CFAP61: variants seen among roughly 807,000 people sequenced by gnomAD.
CFAP61 encodes cilia and flagella associated protein 61.
Under a neutral mutation model 135.6 loss-of-function variants are expected in CFAP61, and 107 were observed. That is an observed-to-expected ratio of 0.79 (90% CI 0.67 to 0.93). The LOEUF is 0.93. CFAP61 is among the 40% of genes least tolerant of loss of function. CFAP61 has a pLI of 0.00. For synonymous variants in CFAP61, 575 were observed against 578.5 expected (o/e 0.99, Z 0.09); for missense variants, 1,507 against 1,556.2 (o/e 0.97, Z 0.53).
intron 22 of CFAP61, among the ~76,000 whole-genome samples, chr20:20,283,165 G>GTAAATACTGTTACTAT (rs1435646828): frequency 2.6e-5 from 4 of 152,048 alleles, no homozygotes; most frequent in African/African-American, 9.7e-5. Flanking sequence ...TATTATTGTG[G>GTAAATACTGTTACTAT]AAGTCTCTGT....
rs188366770 is a variant in CFAP61, at chr20:20,313,447, G to A, written c.3422+15061G>A. Among the ~76,000 whole-genome samples the A allele has an allele frequency of 1.2e-3, 184 of 152,306 alleles. 1 individual carries two copies. The Middle Eastern group carries it at 0.027, about 23-fold the overall frequency. ...ATATCCCCGCAATTCAGTAGGCTGC[G>A]GTGTAGGCAAACAGAGGGTGTTTTG... On this transcript the variant is annotated intron_variant, in intron 25 of 26. Transcript: ENST00000245957.
At chr20:20,163,282 C>G (rs1443361675) in intron 10 of CFAP61, among the ~76,000 whole-genome samples, 6 of 152,046 alleles carry the variant, frequency 3.9e-5, no homozygotes, top group African/African-American at 2.4e-5. Context: ...GCACCTAAAC[C>G]AAGACAGAAC....
chr20:20,264,761 G>A (rs998564488), intron 21 of CFAP61, among the ~76,000 whole-genome samples: 22 of 152,164 alleles, frequency 1.4e-4, no homozygotes, highest in African/African-American at 4.8e-4. Flanking sequence ...GCATGGTGGT[G>A]TACACCTGTA....
chr20:20,351,167 T>C (rs1433476580), intron 26 of CFAP61, among the ~76,000 whole-genome samples: 1 of 152,158 alleles, frequency 6.6e-6, no homozygotes, highest in African/African-American at 2.4e-5. Context: ...GGTGAAATTG[T>C]CTCTGTTTGC....
intron 1 of CFAP61, among the ~76,000 whole-genome samples, chr20:20,053,439 C>T (rs1395236970): frequency 1.3e-5 from 2 of 152,114 alleles, no homozygotes; most frequent in African/African-American, 4.8e-5. Flanking sequence ...TCATTATCAC[C>T]CAAAGTTCAT....
At position 20,166,397 on chromosome 20, in the gene CFAP61, G is replaced by A. The variant is rs771519008; in HGVS notation, c.1206G>A (p.Arg402=). The change falls in exon 12 of 27, where the codon AGG becomes AGA. Residue 402 remains arginine, a splice_region_variant and synonymous_variant. Coordinates refer to ENST00000245957, the MANE Select transcript of CFAP61 (RefSeq NM_015585.4). ...ACAGTGCTTACTGTCTTGTTTACAGGTCGCTGGATTTTATGAATTTTGTTT... is the reference window on the plus strand; with the variant it reads ...ACAGTGCTTACTGTCTTGTTTACAGATCGCTGGATTTTATGAATTTTGTTT... ...LFCIDEKYEA[R]SLDFMNFVFS... is the part of the protein sequence containing the mutation. The A allele has an allele frequency of 1.2e-6, 2 of 1,613,548 alleles. No homozygotes were observed. The highest frequency in any genetic ancestry group is 1.7e-5 in the Admixed American group (1 of 59,976).
chr20:20,158,388 A>C (rs1601048308), intron 9 of CFAP61, among the ~76,000 whole-genome samples: 1 of 151,942 alleles, frequency 6.6e-6, no homozygotes, highest in Non-Finnish European at 1.5e-5. Flanking sequence ...TTTCCAAAAT[A>C]AGACATCACA....
At chr20:20,053,391 C>G (rs759580243) in intron 1 of CFAP61, among the ~76,000 whole-genome samples, 2 of 152,158 alleles carry the variant, frequency 1.3e-5, no homozygotes, top group Non-Finnish European at 2.9e-5. Context: ...TCCACCAGAG[C>G]AGTACATTTG....
chr20:20,313,961 A>G (rs80154800), intron 25 of CFAP61, among the ~76,000 whole-genome samples: 4,119 of 152,288 alleles, frequency 0.027, 187 homozygotes, highest in African/African-American at 0.095. Flanking sequence ...GAACCAATTC[A>G]GTTTCTCCAG....
intron 6 of CFAP61, among the ~76,000 whole-genome samples, chr20:20,078,527 A>G (rs890212790): frequency 1.4e-4 from 22 of 152,214 alleles, no homozygotes; most frequent in Non-Finnish European, 3.2e-4. Context: ...AAGGTAGGAA[A>G]TAGAAACAGA....
At chr20:20,355,592 AG>A (rs2059081954) in intron 26 of CFAP61, among the ~76,000 whole-genome samples, 1 of 109,716 alleles carries the variant, frequency 9.1e-6, no homozygotes, top group Admixed American at 1.0e-4. Flanking sequence ...TCACACTGTG[AG>A]GGGGAAGGTG....
chr20:20,330,133 C>G (rs1336142637), intron 25 of CFAP61, among the ~76,000 whole-genome samples: 1 of 151,992 alleles, frequency 6.6e-6, no homozygotes, highest in African/African-American at 2.4e-5. Context: ...TTTTAGTGGT[C>G]ACATTAAAAA....
chr20:20,100,482 CT>C (rs1278806323), intron 8 of CFAP61, among the ~76,000 whole-genome samples: 4 of 152,074 alleles, frequency 2.6e-5, no homozygotes, highest in Non-Finnish European at 5.9e-5. Flanking sequence ...CCTAAATAGC[CT>C]TTTTATGGCT....
intron 18 of CFAP61, among the ~76,000 whole-genome samples, chr20:20,234,798 C>T (rs1053041731): frequency 2.6e-5 from 4 of 152,040 alleles, no homozygotes; most frequent in Admixed American, 6.6e-5. Flanking sequence ...TCAGAAGCGA[C>T]GGTGGAGTGG....
chr20:20,243,160 G>A (rs2050144829), intron 18 of CFAP61, among the ~76,000 whole-genome samples: 1 of 152,210 alleles, frequency 6.6e-6, no homozygotes, highest in Non-Finnish European at 1.5e-5. Context: ...AGCAGGCAAA[G>A]AGAGAGCTCG....
At chr20:20,140,083 G>C (rs1474879457) in intron 8 of CFAP61, among the ~76,000 whole-genome samples, 1 of 145,274 alleles carries the variant, frequency 6.9e-6, no homozygotes, top group Non-Finnish European at 1.5e-5. Flanking sequence ...TTTGAGAGGA[G>C]TATTGACTGG....
rs980178738 is a variant in CFAP61 at position 20,191,388 on chromosome 20, T to C, written c.1559T>C (p.Ile520Thr). 1 of 1,612,898 alleles carries C rather than the reference T, an allele frequency of 6.2e-7. No individual in the cohort carries two copies. Among genetic ancestry groups the C allele is most frequent in the African/African-American group, 1.3e-5 (1 of 74,908 alleles). Residue 520 changes from isoleucine (I) to threonine (T), a missense_variant, in exon 15 of 27, where the codon ATA becomes ACA. By Grantham distance (89) the Ile-to-Thr change is moderately conservative. Coordinates refer to ENST00000245957, the MANE Select transcript of CFAP61 (RefSeq NM_015585.4). ...TTTGTAGCTGAAGTTGCAGAACAAA[T>C]AGTTGGTATTGCAGTGATCAGAAAT... ...QAFVAEVAEQ[I>T]VGIAVIRNEM...
intron 9 of CFAP61, among the ~76,000 whole-genome samples, chr20:20,151,137 T>TA (rs1423291339): frequency 6.6e-6 from 1 of 151,868 alleles, no homozygotes; most frequent in Non-Finnish European, 1.5e-5. Flanking sequence ...AAAACCAACT[T>TA]AAAGAAATTT....
At chr20:20,188,144 G>A in intron 14 of CFAP61, 88 bp downstream of exon 14, 1 of 1,436,388 alleles carries the variant, frequency 7.0e-7, no homozygotes, top group South Asian at 1.2e-5. Context: ...TTGGATCTGA[G>A]TTGGAAAATC....
Sources: allele counts gnomAD v4.1 joint callset (sites outside exome capture counted in the v4.1 genomes callset), GRCh38; gene constraint gnomAD v4.1.1; transcripts MANE v1.5; gene names NCBI Gene and HGNC (gene_info 2026-07-23, HGNC 2026-07-21).